ADCY2: variants seen among roughly 807,000 people sequenced by gnomAD.
ADCY2 encodes the protein adenylate cyclase type 2.
Under a neutral mutation model 125.2 loss-of-function variants are expected in ADCY2, and 31 were observed. That is an observed-to-expected ratio of 0.25 (90% CI 0.19 to 0.33). The LOEUF (loss-of-function observed/expected upper bound fraction) is 0.33. ADCY2 is among the 10% of genes least tolerant of loss of function. The probability of loss-of-function intolerance (pLI) is 1.00; values close to 1 mark genes in which losing one functional copy is unlikely to be tolerated. For synonymous variants in ADCY2, 512 were observed against 548.4 expected, an observed-to-expected ratio of 0.93 and a Z score of 0.93; for missense variants, 904 against 1,418.2, an observed-to-expected ratio of 0.64 and a Z score of 5.82.
intron 5 of ADCY2, among the ~76,000 whole-genome samples, chr5:7,692,745 G>A (rs537809947): frequency 6.6e-6 from 1 of 152,168 alleles, no homozygotes; most frequent in South Asian, 2.1e-4. Context: ...TCATGACATT[G>A]CATTCCCTCA....
At chr5:7,690,380 G>T (rs1740667498) in intron 4 of ADCY2, among the ~76,000 whole-genome samples, 1 of 152,040 alleles carries the variant, frequency 6.6e-6, no homozygotes, top group Non-Finnish European at 1.5e-5. Context: ...TTTTAATATT[G>T]TTTCTGCTTT....
intron 2 of ADCY2, among the ~76,000 whole-genome samples, chr5:7,417,346 C>T (rs779715662): frequency 1.5e-4 from 23 of 152,014 alleles, no homozygotes; most frequent in Non-Finnish European, 2.5e-4. Flanking sequence ...TTACAGTGTC[C>T]GTGGGCTCTT....
chr5:7,516,804 A>G (rs1464017444), intron 2 of ADCY2, among the ~76,000 whole-genome samples: 2 of 152,064 alleles, frequency 1.3e-5, no homozygotes, highest in Non-Finnish European at 2.9e-5. Flanking sequence ...GGGAAAGAGT[A>G]TAGAACTCTA....
intron 19 of ADCY2, among the ~76,000 whole-genome samples, chr5:7,789,385 T>C (rs892591432): frequency 1.3e-5 from 2 of 152,220 alleles, no homozygotes; most frequent in Admixed American, 6.5e-5. Context: ...GAAGCTTTAA[T>C]GGCGCTTTGA....
At chr5:7,536,889 G>T (rs899642236) in intron 3 of ADCY2, among the ~76,000 whole-genome samples, 1 of 152,082 alleles carries the variant, frequency 6.6e-6, no homozygotes, top group Non-Finnish European at 1.5e-5. Flanking sequence ...TGGGTTGATG[G>T]GTGCAGGAAT....
At chr5:7,683,332 G>T (rs1221312674) in intron 4 of ADCY2, among the ~76,000 whole-genome samples, 1 of 152,240 alleles carries the variant, frequency 6.6e-6, no homozygotes, top group Non-Finnish European at 1.5e-5. Context: ...AGCATTCAGG[G>T]ACGGAGGACA....
rs562211176 is a variant in ADCY2 at position 7,535,861 on chromosome 5, G to A, written c.570+14962G>A. Among the ~76,000 whole-genome samples, 17 of 152,332 alleles carry A rather than the reference G, an allele frequency of 1.1e-4. No individual in the cohort carries two copies. The South Asian group carries it at 3.3e-3, about 30-fold the overall frequency. The stretch of plus-strand genomic sequence containing the variant: ...CCATAGAAAGTATCGTGGCTGGTGT[G>A]TGATTCCAAGCAGCCCCCGCGATGT... On this transcript the variant is annotated intron_variant, in intron 3 of 24. Coordinates refer to ENST00000338316, the MANE Select transcript of ADCY2 (RefSeq NM_020546.3).
At chr5:7,640,869 G>A (rs1272734607) in intron 4 of ADCY2, among the ~76,000 whole-genome samples, 2 of 152,160 alleles carry the variant, frequency 1.3e-5, no homozygotes, top group Admixed American at 1.3e-4. Flanking sequence ...GGGCTAGATT[G>A]TCTTCTAAGA....
chr5:7,434,839 T>A (rs944808235), intron 2 of ADCY2, among the ~76,000 whole-genome samples: 10 of 152,208 alleles, frequency 6.6e-5, no homozygotes, highest in African/African-American at 2.4e-4. Context: ...CAAGACTCTT[T>A]CAGCGTCTGT....
At chr5:7,596,301 G>A (rs923384947) in intron 3 of ADCY2, among the ~76,000 whole-genome samples, 20 of 151,862 alleles carry the variant, frequency 1.3e-4, no homozygotes, top group Admixed American at 1.1e-3. Flanking sequence ...TTAGCTCTGG[G>A]GTATCAGAAC....
intron 3 of ADCY2, among the ~76,000 whole-genome samples, chr5:7,530,946 C>T (rs1319230593): frequency 1.3e-5 from 2 of 152,154 alleles, no homozygotes; most frequent in Non-Finnish European, 2.9e-5. Context: ...TCGCAAGGAG[C>T]TCCCATAGGA....
chr5:7,694,588 T>C (rs1049389956), intron 5 of ADCY2, among the ~76,000 whole-genome samples: 12 of 152,224 alleles, frequency 7.9e-5, no homozygotes, highest in Admixed American at 1.3e-4. Flanking sequence ...TTTCGGGAGT[T>C]TCAGCACATG....
rs190747222 is a variant in ADCY2 at position 7,488,897 on chromosome 5, G to C, written c.409-31841G>C. ...TCAGGCTCATTTGCGGTCCAGACCT[G>C]CCTGTGCAACCCCGAGGGACCCATG... is the stretch of plus-strand genomic sequence containing the variant. On this transcript the variant is annotated intron_variant, in intron 2 of 24. Transcript: ENST00000338316. Among the ~76,000 whole-genome samples the C allele has an allele frequency of 8.0e-3, 1,216 of 152,234 alleles. 16 individuals carry two copies. Among genetic ancestry groups the C allele is most frequent in the African/African-American group, 0.028 (1,164 of 41,538 alleles).
At chr5:7,644,028 C>T (rs1332598098) in intron 4 of ADCY2, among the ~76,000 whole-genome samples, 3 of 152,104 alleles carry the variant, frequency 2.0e-5, no homozygotes, top group Admixed American at 2.0e-4. Flanking sequence ...CTTGCTGATA[C>T]ACATTCCAGT....
intron 3 of ADCY2, among the ~76,000 whole-genome samples, chr5:7,560,392 CT>C (rs1465892681): frequency 6.6e-6 from 1 of 152,148 alleles, no homozygotes; most frequent in African/African-American, 2.4e-5. Flanking sequence ...CTGTACTCTT[CT>C]GCCTTTTGAA....
chr5:7,665,828 C>CTTTTTTTTTTTTTTTTT (rs70940750), intron 4 of ADCY2, among the ~76,000 whole-genome samples: 1 of 38,632 alleles, frequency 2.6e-5, no homozygotes, highest in African/African-American at 1.0e-4. Flanking sequence ...TAATTTAATT[C>CTTTTTTTTTTTTTTTTT]TTTTTTTTTT....
At chr5:7,807,403 A>C (rs1450568460) in intron 22 of ADCY2, among the ~76,000 whole-genome samples, 2 of 152,134 alleles carry the variant, frequency 1.3e-5, no homozygotes, top group Non-Finnish European at 2.9e-5. Flanking sequence ...TGACCAAAAA[A>C]ACACTTCCAG....
chr5:7,691,117 GA>G (rs1480093168), intron 5 of ADCY2: 1 of 237,326 alleles, frequency 4.2e-6, no homozygotes, highest in Admixed American at 5.6e-5. Flanking sequence ...AGAAAGGAGT[GA>G]AGGGGACAGC....
At chr5:7,480,633 G>A (rs1042648288) in intron 2 of ADCY2, among the ~76,000 whole-genome samples, 15 of 152,130 alleles carry the variant, frequency 9.9e-5, no homozygotes, top group South Asian at 4.2e-4. Context: ...GGGAGGATCC[G>A]GAAAAATGAC....
Sources: allele counts gnomAD v4.1 joint callset (sites outside exome capture counted in the v4.1 genomes callset), GRCh38; gene constraint gnomAD v4.1.1; transcripts MANE v1.5; gene names NCBI Gene and HGNC (gene_info 2026-07-23, HGNC 2026-07-21).